Variants in DDX52 observed in about 807,000 individuals in gnomAD.
DDX52 encodes probable ATP-dependent RNA helicase DDX52.
DDX52 carries 59 observed loss-of-function variants against 76.1 expected under a neutral mutation model. The observed-to-expected ratio is 0.78, with a 90% CI of 0.63 to 0.96. The LOEUF is 0.96. DDX52 is among the 40% of genes least tolerant of loss of function. DDX52 has a pLI of 0.00. For synonymous variants in DDX52, 231 were observed against 244.1 expected (o/e 0.95, Z 0.50); for missense variants, 707 against 703.9 (o/e 1.00, Z -0.05).
At chr17:37,625,137 C>T (rs556504110) in intron 8 of DDX52, among the ~76,000 whole-genome samples, 1 of 152,176 alleles carries the variant, frequency 6.6e-6, no homozygotes, top group African/African-American at 2.4e-5. Flanking sequence ...TCCCAAGTAG[C>T]TGGGATTACA....
intron 14 of DDX52, among the ~76,000 whole-genome samples, chr17:37,615,938 C>T (rs772330479): frequency 1.3e-5 from 2 of 151,878 alleles, no homozygotes; most frequent in African/African-American, 4.8e-5. Flanking sequence ...CACTTGAACC[C>T]GGGAGGTGAA....
chr17:37,626,317 G>C (rs2147349180), intron 7 of DDX52, among the ~76,000 whole-genome samples: 1 of 152,214 alleles, frequency 6.6e-6, no homozygotes, highest in East Asian at 1.9e-4. Flanking sequence ...ATCCTCACGT[G>C]TTGAGGGAGG....
intron 5 of DDX52, among the ~76,000 whole-genome samples, chr17:37,629,751 A>G (rs1472616497): frequency 6.6e-6 from 1 of 152,236 alleles, no homozygotes; most frequent in African/African-American, 2.4e-5. Flanking sequence ...ATAAATGTCC[A>G]AGCAGGGCTA....
intron 6 of DDX52, among the ~76,000 whole-genome samples, chr17:37,627,507 A>G (rs1184159609): frequency 6.6e-6 from 1 of 151,934 alleles, no homozygotes; most frequent in Non-Finnish European, 1.5e-5. Context: ...TCAGCCTCCC[A>G]AAATGCCGGA....
chr17:37,633,551 G>T (rs1457668843), intron 2 of DDX52, 133 bp from the exon 3 acceptor site: 5 of 561,062 alleles, frequency 8.9e-6, no homozygotes, highest in Non-Finnish European at 1.3e-5. Flanking sequence ...AGCTACTTAG[G>T]AGGCTGAGTG....
At chr17:37,621,647 G>T in intron 9 of DDX52, 127 bp from the exon 10 acceptor site, 1 of 1,259,740 alleles carries the variant, frequency 7.9e-7, no homozygotes, top group South Asian at 1.6e-5. Context: ...AAATTTCTTG[G>T]GCTAGTGGTC....
In DDX52 at chr17:37,633,344, CTTTT is replaced by C. The variant is rs763634007; in HGVS notation, c.357_360del (p.Lys120PhefsTer7). Reference sequence around the variant, plus strand: ...GAAGTTAGTTTACTTTCTCTCTGAACTTTTTTGTCTTCAATCTTTGCTTCTACAG... The same window carrying C: ...GAAGTTAGTTTACTTTCTCTCTGAACTTGTCTTCAATCTTTGCTTCTACAG... On this transcript the variant is annotated frameshift_variant, in exon 3 of 15. Coordinates refer to ENST00000617633, the MANE Select transcript of DDX52 (RefSeq NM_007010.5). LOFTEE classifies it high-confidence loss of function. 6.2e-7 allele frequency: 1 copy of C among 1,611,930 alleles called. No individual in the cohort carries two copies. The highest frequency in any genetic ancestry group is 1.1e-5 in the South Asian group (1 of 90,654).
chr17:37,621,845 A>G (rs578215906), intron 9 of DDX52, among the ~76,000 whole-genome samples: 8 of 152,314 alleles, frequency 5.3e-5, no homozygotes, highest in African/African-American at 1.9e-4. Context: ...ACCTTTTTTT[A>G]TTCTGCTTAA....
intron 13 of DDX52, among the ~76,000 whole-genome samples, chr17:37,619,225 A>G (rs1251951248): frequency 1.3e-5 from 2 of 152,158 alleles, no homozygotes; most frequent in Non-Finnish European, 2.9e-5. Context: ...CTAAAAATAC[A>G]AAGATTAGCT....
intron 5 of DDX52, 117 bp downstream of exon 5, chr17:37,629,913 C>T (rs991559659): frequency 4.2e-6 from 6 of 1,417,080 alleles, no homozygotes; most frequent in South Asian, 2.9e-5. Flanking sequence ...GTAGAGGATA[C>T]TTGACCATGA....
chr17:37,629,899 C>T, intron 5 of DDX52, 131 bp downstream of exon 5: 1 of 1,212,960 alleles, frequency 8.2e-7, no homozygotes, highest in Non-Finnish European at 1.1e-6. Flanking sequence ...GAGCACTGTG[C>T]TGTGTAGAGG....
At chr17:37,623,440 A>G (rs1486902453) in intron 9 of DDX52, among the ~76,000 whole-genome samples, 1 of 152,060 alleles carries the variant, frequency 6.6e-6, no homozygotes, top group Non-Finnish European at 1.5e-5. Context: ...CAAAAACAAA[A>G]TTATGTAGTC....
At chr17:37,633,543 CTACT>C in intron 2 of DDX52, 125 bp from the exon 3 acceptor site, 1 of 662,748 alleles carries the variant, frequency 1.5e-6, no homozygotes, top group Non-Finnish European at 2.1e-6. Flanking sequence ...GTAGTCCCAG[CTACT>C]TAGGAGGCTG....
chr17:37,628,815 A>C, intron 5 of DDX52, 143 bp from the exon 6 acceptor site: 1 of 627,086 alleles, frequency 1.6e-6, no homozygotes, highest in Admixed American at 3.4e-5. Context: ...ATTAACCTGA[A>C]ATCTCAGCAT....
intron 9 of DDX52, among the ~76,000 whole-genome samples, chr17:37,623,412 G>A (rs192138400): frequency 4.4e-4 from 67 of 152,122 alleles, no homozygotes; most frequent in African/African-American, 1.3e-3. Flanking sequence ...GTGAAAGAGC[G>A]AGACTCCATC....
rs1033667367 is a variant in DDX52, at chr17:37,610,058, G to C, written c.*4238C>G. On this transcript the variant is annotated 3_prime_UTR_variant, in exon 15 of 15. Transcript: ENST00000617633. ...TTGTTTTTCCTATTCTTGCAGGCAA[G>C]TGCAAAACAGTGGTTTTTGGAAGGC... The C allele has an allele frequency of 6.6e-6, 1 of 152,184 alleles. No individual in the cohort carries two copies. Among genetic ancestry groups the C allele is most frequent in the Middle Eastern group, 3.4e-3 (1 of 294 alleles). The allele number at this position is 152,184 out of a possible 1,614,324, so 9.4% of individuals were successfully genotyped here. A position where few individuals can be genotyped will look rare whatever the true frequency, so the allele number is the denominator to read the frequency against.
rs766232396 is a variant in DDX52 at position 37,624,294 on chromosome 17, A to AT, written c.1227+49dup. On this transcript the variant is annotated intron_variant, in intron 9 of 14. Transcript: ENST00000617633. Reference sequence around the variant, plus strand: ...ACTGTAATAGCCTCCCACTAGTAATATAAGACTTGGCAAACTTTACCAAAA... The same window carrying AT: ...ACTGTAATAGCCTCCCACTAGTAATATTAAGACTTGGCAAACTTTACCAAAA... 16 of 1,473,680 alleles carry AT rather than the reference A, an allele frequency of 1.1e-5. No homozygotes were observed. In the East Asian group the frequency reaches 1.1e-4, roughly 11 times the overall value. 91.3% of individuals were successfully genotyped at this position (1,473,680 alleles called of 1,614,324 possible).
chr17:37,636,980 T>A (rs922972953), intron 2 of DDX52, among the ~76,000 whole-genome samples: 1 of 152,184 alleles, frequency 6.6e-6, no homozygotes, highest in South Asian at 2.1e-4. Context: ...ATATATTTTT[T>A]TCAAGATAGG....
intron 2 of DDX52, among the ~76,000 whole-genome samples, chr17:37,639,883 G>T (rs1015470830): frequency 2.0e-5 from 3 of 152,038 alleles, no homozygotes; most frequent in African/African-American, 7.3e-5. Flanking sequence ...AGTTTGTGGC[G>T]TGTCTTTCTT....
Sources: allele counts gnomAD v4.1 joint callset (sites outside exome capture counted in the v4.1 genomes callset), GRCh38; gene constraint gnomAD v4.1.1; transcripts MANE v1.5; gene names NCBI Gene and HGNC (gene_info 2026-07-23, HGNC 2026-07-21).